The following CLIC5 variants were observed in gnomAD, a reference collection of about 807,000 sequenced individuals.
CLIC5 encodes CLIC family member 5, also known as chloride intracellular channel protein 5.
In CLIC5, 20 loss-of-function variants were observed where a neutral mutation model predicts 24.7. The observed-to-expected ratio is 0.81, with a 90% CI of 0.57 to 1.18. The LOEUF is 1.18. Ranked by LOEUF, CLIC5 falls within the 50% of genes most tolerant of loss-of-function variation. CLIC5 has a pLI of 0.00. For synonymous variants in CLIC5, 159 were observed against 135.6 expected, an observed-to-expected ratio of 1.17 and a Z score of -1.20; for missense variants, 341 against 326.1, an observed-to-expected ratio of 1.05 and a Z score of -0.35.
At chr6:46,034,047 A>G (rs951630374) in intron 1 of CLIC5, among the ~76,000 whole-genome samples, 2 of 152,226 alleles carry the variant, frequency 1.3e-5, no homozygotes, top group Admixed American at 1.3e-4. Context: ...CAAAGCTACT[A>G]TTGGAAATGA....
At chr6:45,903,784 T>C (rs976163419) in intron 5 of CLIC5, among the ~76,000 whole-genome samples, 10 of 152,220 alleles carry the variant, frequency 6.6e-5, no homozygotes, top group Non-Finnish European at 1.5e-4. Context: ...TACCTATATA[T>C]TACCAGTGGT....
At chr6:45,941,466 C>A in intron 4 of CLIC5, 81 bp downstream of exon 4, 2 of 1,080,256 alleles carry the variant, frequency 1.9e-6, no homozygotes, top group Non-Finnish European at 2.9e-6. Flanking sequence ...AAGTATTTGA[C>A]ATGCCTATGG....
chr6:45,914,680 T>C, intron 4 of CLIC5: 1 of 428,934 alleles, frequency 2.3e-6, no homozygotes, highest in African/African-American at 2.1e-5. Context: ...AGTCTGGGTG[T>C]GGTGGCTCAC....
At chr6:45,925,317 CT>C (rs10691767) in intron 4 of CLIC5, among the ~76,000 whole-genome samples, 7,930 of 136,196 alleles carry the variant, frequency 0.058, 381 homozygotes, top group African/African-American at 0.16. Flanking sequence ...CATTATTCCG[CT>C]TTTTTTTTTT....
At chr6:45,980,211 A>G (rs62400486) in intron 1 of CLIC5, among the ~76,000 whole-genome samples, 1 of 152,072 alleles carries the variant, frequency 6.6e-6, no homozygotes, top group African/African-American at 2.4e-5. Flanking sequence ...GGCCTTAGGC[A>G]TGGGGCTTTA....
chr6:46,126,337 T>C, the CLIC5 span, among the ~76,000 whole-genome samples: 5 of 152,226 alleles, frequency 3.3e-5, no homozygotes, highest in African/African-American at 1.2e-4. Flanking sequence ...ATCTTACTTA[T>C]TTTTGTATCT....
chr6:45,904,518 C>T (rs548560299), intron 5 of CLIC5, among the ~76,000 whole-genome samples: 2 of 151,330 alleles, frequency 1.3e-5, no homozygotes, highest in African/African-American at 4.9e-5. Flanking sequence ...AACAGGGCCC[C>T]CCTGTTTTCA....
At chr6:45,942,675 G>A (rs1042700084) in intron 3 of CLIC5, among the ~76,000 whole-genome samples, 3 of 152,100 alleles carry the variant, frequency 2.0e-5, no homozygotes, top group South Asian at 2.1e-4. Flanking sequence ...TTGATAGTTC[G>A]AACCAAACAA....
chr6:45,949,125 A>C (rs1372580166), intron 3 of CLIC5, 131 bp downstream of exon 3: 1 of 1,237,396 alleles, frequency 8.1e-7, no homozygotes, highest in Admixed American at 2.5e-5. Flanking sequence ...CTCTCTTTGA[A>C]GAAAGGGTCC....
Position 45,899,162 on chromosome 6 carries a change from G to C in CLIC5, c.*3926C>G, listed in dbSNP as rs148651951. 2 of 152,328 alleles carry C rather than the reference G, an allele frequency of 1.3e-5. No individual in the cohort carries two copies. The highest frequency in any genetic ancestry group is 3.9e-4 in the East Asian group (2 of 5,190). 9.4% of individuals were successfully genotyped at this position (152,328 alleles called of 1,614,324 possible). On this transcript the variant is annotated 3_prime_UTR_variant, in exon 6 of 6. Coordinates refer to ENST00000339561, the MANE Select transcript of CLIC5 (RefSeq NM_016929.5). The stretch of plus-strand genomic sequence containing the variant: ...TTTGAATGATAAAGAGAAATGGATA[G>C]AAGACAATGGGGCTGTGTGCAGCAG...
At chr6:46,099,389 G>A in the CLIC5 span, among the ~76,000 whole-genome samples, 22 of 152,164 alleles carry the variant, frequency 1.4e-4, no homozygotes, top group Admixed American at 5.2e-4. Context: ...TTCTGAAAGG[G>A]AGAAAAAAGT....
At chr6:45,961,620 T>C (rs1029618118) in intron 1 of CLIC5, among the ~76,000 whole-genome samples, 1 of 152,232 alleles carries the variant, frequency 6.6e-6, no homozygotes, top group African/African-American at 2.4e-5. Flanking sequence ...AATTAGTTAG[T>C]GTAAGTCAGA....
At chr6:45,920,701 G>A (rs565061532) in intron 4 of CLIC5, 3 of 973,822 alleles carry the variant, frequency 3.1e-6, no homozygotes, top group Admixed American at 6.1e-5. Flanking sequence ...TAGGACAAGA[G>A]GAAGAGACAC....
Position 45,901,067 on chromosome 6 carries a change from CG to C in CLIC5, c.*2020del, listed in dbSNP as rs1762498814. ...GGTCATCCTGCCTGTGCTGTAAATT[CG>C]GGGAAGGATTTCTGAGTACAGCAGG... is the stretch of plus-strand genomic sequence containing the variant. On this transcript the variant is annotated 3_prime_UTR_variant, in exon 6 of 6. Coordinates refer to ENST00000339561, the MANE Select transcript of CLIC5 (RefSeq NM_016929.5). 1 of 152,086 alleles carries C rather than the reference CG, an allele frequency of 6.6e-6. No homozygotes were observed. The highest frequency in any genetic ancestry group is 1.5e-5 in the Non-Finnish European group (1 of 68,024). 9.4% of individuals were successfully genotyped at this position (152,086 alleles called of 1,614,324 possible). A position where few individuals can be genotyped will look rare whatever the true frequency, so the allele number is the denominator to read the frequency against.
chr6:45,949,991 G>T (rs2127380322), intron 2 of CLIC5, among the ~76,000 whole-genome samples: 1 of 152,232 alleles, frequency 6.6e-6, no homozygotes, highest in African/African-American at 2.4e-5. Flanking sequence ...TATGGTCTTT[G>T]GGTAGCCAGG....
Position 45,884,657 on chromosome 6 carries a change from C to T in CLIC5, c.624-3469G>A, listed in dbSNP as rs72870072. The stretch of plus-strand genomic sequence containing the variant: ...TTCAGTCATGGAAGCTGGGCTGTGT[C>T]CTGAGTGAGAAATTAATCTATTTGG... On this transcript the variant is annotated intron_variant, in intron 6 of 6. Transcript: ENST00000644324. 2.3e-3 allele frequency among the ~76,000 whole-genome samples: 343 copies of T among 152,208 alleles called. 3 individuals are homozygous for T. Among genetic ancestry groups the T allele is most frequent in the Non-Finnish European group, 4.3e-3 (292 of 68,012 alleles).
In CLIC5 at chr6:45,888,661, G is replaced by A. The variant is rs1470628935; in HGVS notation, c.624-7473C>T. Among the ~76,000 whole-genome samples, 12 of 152,254 alleles carry A rather than the reference G, an allele frequency of 7.9e-5. No homozygotes were observed. In the South Asian group the frequency reaches 2.3e-3, roughly 29 times the overall value. On this transcript the variant is annotated intron_variant, in intron 6 of 6. Coordinates refer to the CLIC5 transcript ENST00000644324. ...ACATAATTTTCAAAGTAGTTATGTA[G>A]TACTGTAGCATATTTACATGACTCA...
chr6:46,031,925 C>CAT (rs547139194), intron 1 of CLIC5, among the ~76,000 whole-genome samples: 4,476 of 132,898 alleles, frequency 0.034, 153 homozygotes, highest in African/African-American at 0.084. Flanking sequence ...ATGTACACAA[C>CAT]ATATATATAT....
chr6:46,062,429 A>G (rs1762310818), intron 1 of CLIC5, among the ~76,000 whole-genome samples: 1 of 152,198 alleles, frequency 6.6e-6, no homozygotes, highest in South Asian at 2.1e-4. Context: ...TGTCTTATTT[A>G]TTTAAGCTGT....
Sources: gnomAD v4.1 joint callset for allele counts (sites outside exome capture counted in the v4.1 genomes callset) on GRCh38, gnomAD v4.1.1 for gene constraint, MANE v1.5 for transcripts, NCBI Gene and HGNC (gene_info 2026-07-23, HGNC 2026-07-21) for gene names.